The following TBC1D16 variants were observed in gnomAD, a reference collection of about 807,000 sequenced individuals.
TBC1D16 encodes the protein TBC1 domain family member 16.
Under a neutral mutation model 74.7 loss-of-function variants are expected in TBC1D16, and 58 were observed. The ratio of observed to expected loss-of-function variants is 0.78; its 90% CI spans 0.63 to 0.97. TBC1D16 has a LOEUF of 0.97. Among genes scored for constraint, TBC1D16 ranks in the 50% least tolerant of loss-of-function variants. The pLI, the probability that TBC1D16 is intolerant of heterozygous loss-of-function variation, is 0.00. For missense variants in TBC1D16, 1,014 were observed against 1,079.5 expected (o/e 0.94, Z 0.85); for synonymous variants, 493 against 474.7 (o/e 1.04, Z -0.50).
intron 7 of TBC1D16, 38 bp downstream of exon 7, chr17:79,949,679 G>A (rs894858): frequency 0.19 from 298,162 of 1,577,676 alleles, 32,409 homozygotes; most frequent in East Asian, 0.49. Context: ...TTTCCTCCGC[G>A]GCTCGGCGGG....
At chr17:79,945,559 C>T (rs919590798) in intron 9 of TBC1D16, among the ~76,000 whole-genome samples, 3 of 152,200 alleles carry the variant, frequency 2.0e-5, no homozygotes, top group East Asian at 1.9e-4. Flanking sequence ...ATCTGAGCCC[C>T]AGGATGCTCG....
rs919938371 is a variant in TBC1D16 at position 79,971,274 on chromosome 17, C to T, written c.780-18456G>A. Among the ~76,000 whole-genome samples, 2 of 152,164 alleles carry T rather than the reference C, an allele frequency of 1.3e-5. No homozygotes were observed. The highest frequency in any genetic ancestry group is 6.5e-5 in the Admixed American group (1 of 15,276). ...CTGGCCTCAGGTGATCCACCCACTT[C>T]GGCCTCCCAAAGTGCTGGCATTACA... On this transcript the variant is annotated intron_variant, in intron 3 of 11. Coordinates refer to ENST00000310924, the MANE Select transcript of TBC1D16 (RefSeq NM_019020.4). This position sits in a 1 kb window ranked among gnomAD's most constrained non-coding sequence, Gnocchi z 4.6.
Position 79,948,952 on chromosome 17 carries a change from A to C in TBC1D16, c.1461T>G (p.Thr487=). ...CTGTCCGGACCACGTCTTTGTCCACAGTGAACTGCACATTACGCCAGAACG... is the reference window on the plus strand; with the variant it reads ...CTGTCCGGACCACGTCTTTGTCCACCGTGAACTGCACATTACGCCAGAACG... ...HRAFWRNVQF[T]VDKDVVRTDR... is the part of the protein sequence containing the mutation. The change falls in exon 8 of 12, where the codon ACT becomes ACG. Residue 487 remains threonine, a synonymous_variant. Transcript: ENST00000310924. 1.9e-6 allele frequency: 3 copies of C among 1,614,188 alleles called. No homozygotes were observed. Among genetic ancestry groups the C allele is most frequent in the Non-Finnish European group, 2.5e-6 (3 of 1,180,020 alleles).
intron 3 of TBC1D16, among the ~76,000 whole-genome samples, chr17:79,982,509 A>T (rs2144315855): frequency 6.6e-6 from 1 of 152,080 alleles, no homozygotes; most frequent in African/African-American, 2.4e-5. Context: ...CACACAATAC[A>T]CCGAACCTGT....
intron 1 of TBC1D16, among the ~76,000 whole-genome samples, chr17:80,015,722 A>G (rs567630725): frequency 6.6e-6 from 1 of 152,156 alleles, no homozygotes; most frequent in East Asian, 1.9e-4. Context: ...AAAAGAAAGG[A>G]AATTCTGACT....
intron 1 of TBC1D16, among the ~76,000 whole-genome samples, chr17:80,034,528 C>T (rs1470342556): frequency 6.6e-6 from 1 of 152,134 alleles, no homozygotes. Context: ...TAAAAACTTT[C>T]GTTAGCCATA....
rs561640554 is a variant in TBC1D16, at chr17:80,010,277, C to T, written c.662G>A (p.Ser221Asn). The stretch of plus-strand genomic sequence containing the variant: ...GTCTGAGTCAAAGGAGCTGTCTCTG[C>T]TCACGCCCTCGGCTGACAGTTCCAA... ...GSLELSAEGV[S>N]RDSSFDSDSD... The change falls in exon 3 of 12, where the codon AGC becomes AAC. Residue 221 changes from serine (S) to asparagine (N), a missense_variant. Transcript: ENST00000310924. The surrounding 1 kb of genome is among the most constrained non-coding windows in gnomAD (Gnocchi z 8.8). 2 of 1,613,276 alleles carry T rather than the reference C, an allele frequency of 1.2e-6. No individual in the cohort carries two copies. Among genetic ancestry groups the T allele is most frequent in the South Asian group, 1.1e-5 (1 of 90,952 alleles).
Position 79,940,850 on chromosome 17 carries a change from G to T in TBC1D16, c.*9C>A. The T allele has an allele frequency of 6.6e-7, 1 of 1,526,646 alleles. No individual in the cohort carries two copies. Among genetic ancestry groups the T allele is most frequent in the South Asian group, 1.3e-5 (1 of 78,848 alleles). 94.6% of individuals were successfully genotyped at this position (1,526,646 alleles called of 1,614,324 possible). ...CCCCTCAACCCCTGTCCGGTGTCGG[G>T]GGCCCGACCTATCTGCGGAAGCCGA... is the stretch of plus-strand genomic sequence containing the variant. On this transcript the variant is annotated 3_prime_UTR_variant, in exon 12 of 12. Transcript: ENST00000310924. The surrounding 1 kb of genome is among the most constrained non-coding windows in gnomAD (Gnocchi z 5.4).
At position 79,955,544 on chromosome 17, in the gene TBC1D16, C is replaced by G. The variant is rs560021763; in HGVS notation, c.780-2726G>C. On this transcript the variant is annotated intron_variant, in intron 3 of 11. Transcript: ENST00000310924. Reference sequence around the variant, plus strand: ...TGCTTATCTTTCTACACACGTAAAGCAATTTAGTTTTAAGAATATTCATAT... The same window carrying G: ...TGCTTATCTTTCTACACACGTAAAGGAATTTAGTTTTAAGAATATTCATAT... Among the ~76,000 whole-genome samples the G allele has an allele frequency of 4.6e-5, 7 of 152,298 alleles. No homozygotes were observed. The South Asian group carries it at 1.5e-3, about 32-fold the overall frequency.
At chr17:80,018,040 A>C (rs375410308) in intron 1 of TBC1D16, among the ~76,000 whole-genome samples, 1 of 152,346 alleles carries the variant, frequency 6.6e-6, no homozygotes, top group Middle Eastern at 3.4e-3. Flanking sequence ...AGAATAGTTT[A>C]AGAATTCAAG....
chr17:80,027,615 G>A (rs1450649543), intron 1 of TBC1D16, among the ~76,000 whole-genome samples: 5 of 151,414 alleles, frequency 3.3e-5, no homozygotes, highest in Non-Finnish European at 7.4e-5. Context: ...AAAAGAGGCC[G>A]GGTGCAGTAG....
rs546062393 is a variant in TBC1D16 at position 79,947,183 on chromosome 17, G to A, written c.1728+462C>T. Among the ~76,000 whole-genome samples, 28 of 152,294 alleles carry A rather than the reference G, an allele frequency of 1.8e-4. 1 individual carries two copies. The East Asian group carries it at 3.5e-3, about 19-fold the overall frequency. ...GTCAGCAGGGCACCCCAGGGGAGGG[G>A]TGGGGTGTGAGGACTGCCCCAGAGA... On this transcript the variant is annotated intron_variant, in intron 9 of 11. Transcript: ENST00000310924.
chr17:79,950,316 G>C lies in TBC1D16; in HGVS notation c.1257+95C>G, dbSNP rs2032942786. On this transcript the variant is annotated intron_variant, in intron 6 of 11. Coordinates refer to ENST00000310924, the MANE Select transcript of TBC1D16 (RefSeq NM_019020.4). This position sits in a 1 kb window ranked among gnomAD's most constrained non-coding sequence, Gnocchi z 4.6. ...CACGAGGAGGTGGCCCGTGGGTGCG[G>C]GCGGGCGGCCAGGCCCCGGCCCTCC... 7.1e-7 allele frequency: 1 copy of C among 1,406,658 alleles called. No individual in the cohort carries two copies. The highest frequency in any genetic ancestry group is 9.4e-7 in the Non-Finnish European group (1 of 1,066,726). The allele number at this position is 1,406,658 out of a possible 1,614,324, so 87.1% of individuals were successfully genotyped here. A position where few individuals can be genotyped will look rare whatever the true frequency, so the allele number is the denominator to read the frequency against.
At chr17:79,984,658 A>AAGGAAGGAAGGAAGG in intron 3 of TBC1D16, among the ~76,000 whole-genome samples, 1 of 147,734 alleles carries the variant, frequency 6.8e-6, no homozygotes, top group Admixed American at 6.8e-5. Context: ...GGAAGGAAGG[A>AAGGAAGGAAGGAAGG]AAGGAGACAA....
intron 3 of TBC1D16, among the ~76,000 whole-genome samples, chr17:79,989,361 C>T (rs909221436): frequency 2.0e-5 from 3 of 152,252 alleles, no homozygotes; most frequent in Non-Finnish European, 2.9e-5. Context: ...GAGCCCTGGG[C>T]CTCGGGCCTG....
chr17:80,029,607 G>C (rs1542102), intron 1 of TBC1D16, among the ~76,000 whole-genome samples: 25,288 of 152,146 alleles, frequency 0.17, 2,641 homozygotes, highest in East Asian at 0.35. Flanking sequence ...CCCTAGAAAA[G>C]AGAGTCCTCC....
At position 79,979,965 on chromosome 17, in the gene TBC1D16, A is replaced by C. The variant is rs1479247608; in HGVS notation, c.780-27147T>G. Among the ~76,000 whole-genome samples the C allele has an allele frequency of 6.6e-6, 1 of 152,000 alleles. No homozygotes were observed. The highest frequency in any genetic ancestry group is 1.5e-5 in the Non-Finnish European group (1 of 68,000). On this transcript the variant is annotated intron_variant, in intron 3 of 11. Transcript: ENST00000310924. The surrounding 1 kb of genome is among the most constrained non-coding windows in gnomAD (Gnocchi z 4.8). Reference sequence around the variant, plus strand: ...AGACACATCCATTATGGCCAAACACAAGAAGCCCTCAGGCCTGCCCAACAC... The same window carrying C: ...AGACACATCCATTATGGCCAAACACCAGAAGCCCTCAGGCCTGCCCAACAC...
chr17:79,950,282 C>CGGG lies in TBC1D16; in HGVS notation c.1257+126_1257+128dup. 9.8e-7 allele frequency: 1 copy of CGGG among 1,020,794 alleles called. No homozygotes were observed. Among genetic ancestry groups the CGGG allele is most frequent in the Non-Finnish European group, 1.4e-6 (1 of 724,908 alleles). The allele number at this position is 1,020,794 out of a possible 1,614,324, so 63.2% of individuals were successfully genotyped here. ...TCACAGAGAGCCTCACACAAGAAAA[C>CGGG]GGGGCCCTCACGAGGAGGTGGCCCG... On this transcript the variant is annotated intron_variant, in intron 6 of 11. Coordinates refer to ENST00000310924, the MANE Select transcript of TBC1D16 (RefSeq NM_019020.4). This position sits in a 1 kb window ranked among gnomAD's most constrained non-coding sequence, Gnocchi z 4.6.
chr17:80,011,990 A>T (rs1040866859), intron 2 of TBC1D16, among the ~76,000 whole-genome samples: 4 of 151,772 alleles, frequency 2.6e-5, no homozygotes, highest in African/African-American at 9.7e-5. Flanking sequence ...GGGAGGAGGG[A>T]TTTCTCCTGG....
Sources: allele counts gnomAD v4.1 joint callset (sites outside exome capture counted in the v4.1 genomes callset), GRCh38; gene constraint gnomAD v4.1.1; non-coding constraint Gnocchi (gnomAD v3.1); transcripts MANE v1.5; gene names NCBI Gene and HGNC (gene_info 2026-07-23, HGNC 2026-07-21).